GNB4: variants seen among roughly 807,000 people sequenced by gnomAD.
GNB4 encodes the protein guanine nucleotide-binding protein subunit beta-4.
GNB4 carries 28 observed loss-of-function variants against 45.2 expected under a neutral mutation model. The ratio of observed to expected loss-of-function variants is 0.62; its 90% CI spans 0.46 to 0.85. The LOEUF is 0.85. Among genes scored for constraint, GNB4 ranks in the 40% least tolerant of loss-of-function variants. The pLI is 0.00. For synonymous variants in GNB4, 132 were observed against 143.7 expected, an observed-to-expected ratio of 0.92 and a Z score of 0.58; for missense variants, 321 against 425.4, an observed-to-expected ratio of 0.75 and a Z score of 2.16.
At chr3:179,409,617 C>T (rs1351383981) in intron 8 of GNB4, among the ~76,000 whole-genome samples, 3 of 151,938 alleles carry the variant, frequency 2.0e-5, no homozygotes, top group Non-Finnish European at 4.4e-5. Flanking sequence ...CGAGACCATC[C>T]TGGCCAACAT....
At chr3:179,500,930 G>A in the GNB4 span, among the ~76,000 whole-genome samples, 1 of 152,168 alleles carries the variant, frequency 6.6e-6, no homozygotes, top group Non-Finnish European at 1.5e-5. Context: ...CATTGATTTT[G>A]TATCCTGAGA....
chr3:179,488,854 C>T, the GNB4 span, among the ~76,000 whole-genome samples: 2 of 150,106 alleles, frequency 1.3e-5, no homozygotes, highest in Non-Finnish European at 3.0e-5. Flanking sequence ...CATGGTGGTG[C>T]GTGTCTGTAG....
At chr3:179,403,448 G>A (rs1012245603) in intron 9 of GNB4, among the ~76,000 whole-genome samples, 1 of 152,098 alleles carries the variant, frequency 6.6e-6, no homozygotes, top group Non-Finnish European at 1.5e-5. Flanking sequence ...AACCTGAGGT[G>A]AGGTTTCCTC....
chr3:179,472,864 T>A, the GNB4 span, among the ~76,000 whole-genome samples: 1 of 152,152 alleles, frequency 6.6e-6, no homozygotes, highest in African/African-American at 2.4e-5. Context: ...AATTCACTCT[T>A]TGAAAATGAC....
At chr3:179,441,828 G>A (rs1302129259) in intron 1 of GNB4, among the ~76,000 whole-genome samples, 2 of 151,672 alleles carry the variant, frequency 1.3e-5, no homozygotes, top group East Asian at 3.9e-4. Flanking sequence ...TTTTTGAGAC[G>A]GAGTTTCACT....
chr3:179,472,964 C>T, the GNB4 span, among the ~76,000 whole-genome samples: 2 of 152,134 alleles, frequency 1.3e-5, no homozygotes, highest in Admixed American at 1.3e-4. Context: ...GAGATCGAGA[C>T]CATCCTGGCT....
At chr3:179,430,071 G>GAGACAGACAGACAGAC (rs3086948) in intron 1 of GNB4, among the ~76,000 whole-genome samples, 1 of 142,258 alleles carries the variant, frequency 7.0e-6, no homozygotes, top group Non-Finnish European at 1.5e-5. Flanking sequence ...GACTGAGAGA[G>GAGACAGACAGACAGAC]AGACAGACAG....
chr3:179,453,072 G>A (rs1411205967), upstream of GNB4, among the ~76,000 whole-genome samples: 3 of 152,170 alleles, frequency 2.0e-5, no homozygotes, highest in Non-Finnish European at 2.9e-5. Context: ...TCGGAGTCAC[G>A]AAGGTATTGG....
At chr3:179,422,175 T>C (rs1715000317) in intron 2 of GNB4, among the ~76,000 whole-genome samples, 1 of 152,172 alleles carries the variant, frequency 6.6e-6, no homozygotes, top group Non-Finnish European at 1.5e-5. Flanking sequence ...ATGGAAATTA[T>C]TGAACTACGC....
At chr3:179,414,081 TA>T (rs1367007112) in intron 6 of GNB4, among the ~76,000 whole-genome samples, 1 of 152,180 alleles carries the variant, frequency 6.6e-6, no homozygotes, top group African/African-American at 2.4e-5. Context: ...GGAAGAACTA[TA>T]ATCTATGGCC....
At chr3:179,496,062 G>A in the GNB4 span, among the ~76,000 whole-genome samples, 1 of 152,286 alleles carries the variant, frequency 6.6e-6, no homozygotes, top group Admixed American at 6.5e-5. Flanking sequence ...CTGTAAAACT[G>A]TAATGGTGGT....
the GNB4 span, among the ~76,000 whole-genome samples, chr3:179,523,469 A>G: frequency 6.6e-6 from 1 of 152,196 alleles, no homozygotes; most frequent in Non-Finnish European, 1.5e-5. Flanking sequence ...ATAGGAGAGT[A>G]TGTGGGTTTG....
upstream of GNB4, among the ~76,000 whole-genome samples, chr3:179,453,418 G>A (rs1052704681): frequency 6.6e-6 from 1 of 152,136 alleles, no homozygotes; most frequent in South Asian, 2.1e-4. Context: ...CACCGATCCC[G>A]GCCCCATATT....
chr3:179,431,533 TGGGTGAA>T (rs1715308582), intron 1 of GNB4, among the ~76,000 whole-genome samples: 1 of 138,422 alleles, frequency 7.2e-6, no homozygotes, highest in Middle Eastern at 3.7e-3. Context: ...CACTCCAGCC[TGGGTGAA>T]GAGTGAGACT....
intron 1 of GNB4, among the ~76,000 whole-genome samples, chr3:179,440,880 T>TAGAGAGAGAGAGAGAGAGAGAGAGAGAG (rs141411562): frequency 3.4e-5 from 5 of 149,124 alleles, no homozygotes; most frequent in African/African-American, 1.2e-4. Context: ...TATAGATAGA[T>TAGAGAGAGAGAGAGAGAGAGAGAGAGAG]AGAGAGAGAG....
At chr3:179,450,798 T>C (rs564014064) in intron 1 of GNB4, among the ~76,000 whole-genome samples, 16 of 152,286 alleles carry the variant, frequency 1.1e-4, no homozygotes, top group Admixed American at 6.5e-4. Flanking sequence ...TATTCAAAAT[T>C]CATCAATCCC....
the GNB4 span, among the ~76,000 whole-genome samples, chr3:179,500,241 T>C: frequency 6.6e-6 from 1 of 152,232 alleles, no homozygotes; most frequent in Non-Finnish European, 1.5e-5. Context: ...CTTTAATCCA[T>C]CTTGAGTTAA....
At chr3:179,453,861 A>C (rs1302792522), upstream of GNB4, among the ~76,000 whole-genome samples, 2 of 152,094 alleles carry the variant, frequency 1.3e-5, no homozygotes, top group African/African-American at 4.8e-5. Context: ...AAAAAAAAAA[A>C]AAACTTACTT....
At chr3:179,489,031 TATATATATATATATA>T in the GNB4 span, among the ~76,000 whole-genome samples, 77 of 69,168 alleles carry the variant, frequency 1.1e-3, 1 homozygote, top group African/African-American at 4.5e-3. Flanking sequence ...TATATATATA[TATATATATATATATA>T]ATATATATGT....
Sources: gnomAD v4.1 joint callset for allele counts (sites outside exome capture counted in the v4.1 genomes callset) on GRCh38, gnomAD v4.1.1 for gene constraint, MANE v1.5 for transcripts, NCBI Gene and HGNC (gene_info 2026-07-23, HGNC 2026-07-21) for gene names.